Variants in QTMAN observed in about 807,000 individuals in gnomAD.
The protein encoded by QTMAN is queuosine-tRNA mannosyltransferase, also known as tRNA-queuosine alpha-mannosyltransferase.
the QTMAN span, among the ~76,000 whole-genome samples, chr2:144,211,841 G>A: frequency 2.0e-5 from 3 of 152,164 alleles, no homozygotes; most frequent in Admixed American, 1.3e-4. Flanking sequence ...TTCAGCAATA[G>A]TCAAAGAAAG....
At chr2:144,317,364 G>GGGAAGGAA in the QTMAN span, 16 of 88,228 alleles carry the variant, frequency 1.8e-4, 1 homozygote, top group Admixed American at 1.7e-4. Context: ...GATCTTCAAG[G>GGGAAGGAA]GGAAGGAAGG....
At chr2:144,013,862 A>C in the QTMAN span, among the ~76,000 whole-genome samples, 1 of 152,214 alleles carries the variant, frequency 6.6e-6, no homozygotes, top group Non-Finnish European at 1.5e-5. Context: ...TAGCCACATA[A>C]GCAAATATCA....
the QTMAN span, among the ~76,000 whole-genome samples, chr2:144,235,098 T>C: frequency 6.6e-6 from 1 of 152,176 alleles, no homozygotes; most frequent in Non-Finnish European, 1.5e-5. Flanking sequence ...ATGGTATTAC[T>C]GCATGGGACA....
the QTMAN span, among the ~76,000 whole-genome samples, chr2:144,182,820 A>T: frequency 7.3e-3 from 235 of 32,016 alleles, 6 homozygotes; most frequent in Middle Eastern, 0.021. Flanking sequence ...TATATATATT[A>T]TATATATAAT....
chr2:144,104,566 GC>G, the QTMAN span, among the ~76,000 whole-genome samples: 1 of 152,160 alleles, frequency 6.6e-6, no homozygotes, highest in Admixed American at 6.5e-5. Context: ...GGGGAGGGGC[GC>G]CCACAATTGC....
chr2:144,134,314 ATTAG>A, the QTMAN span, among the ~76,000 whole-genome samples: 3 of 152,150 alleles, frequency 2.0e-5, no homozygotes, highest in African/African-American at 7.2e-5. Flanking sequence ...CTGTTTCTAA[ATTAG>A]TTAGGCAAAG....
the QTMAN span, among the ~76,000 whole-genome samples, chr2:144,124,763 T>C: frequency 6.6e-6 from 1 of 152,142 alleles, no homozygotes; most frequent in Admixed American, 6.6e-5. Flanking sequence ...TCTCAGATGT[T>C]GATTTATTTT....
the QTMAN span, among the ~76,000 whole-genome samples, chr2:144,210,222 C>A: frequency 6.6e-6 from 1 of 152,012 alleles, no homozygotes; most frequent in Non-Finnish European, 1.5e-5. Context: ...GGACAAGTTA[C>A]CTAATTTTGT....
the QTMAN span, among the ~76,000 whole-genome samples, chr2:144,103,895 G>A: frequency 1.3e-5 from 2 of 152,090 alleles, no homozygotes; most frequent in African/African-American, 4.8e-5. Flanking sequence ...CTCAAGAGCA[G>A]CCTGGCCAAC....
At chr2:144,071,791 C>CA in the QTMAN span, among the ~76,000 whole-genome samples, 1 of 152,102 alleles carries the variant, frequency 6.6e-6, no homozygotes, top group Admixed American at 6.6e-5. Context: ...ATGAATCATA[C>CA]AAGATAATAT....
chr2:144,149,765 C>T, the QTMAN span, among the ~76,000 whole-genome samples: 1 of 151,930 alleles, frequency 6.6e-6, no homozygotes, highest in African/African-American at 2.4e-5. Context: ...TTTAAAGAAT[C>T]CGAAACAGTT....
chr2:143,977,805 C>T, the QTMAN span, among the ~76,000 whole-genome samples: 3 of 152,138 alleles, frequency 2.0e-5, no homozygotes, highest in Admixed American at 6.5e-5. Flanking sequence ...ATGCCATCTG[C>T]ACATTCATAT....
the QTMAN span, among the ~76,000 whole-genome samples, chr2:144,199,493 A>C: frequency 6.6e-6 from 1 of 152,190 alleles, no homozygotes; most frequent in African/African-American, 2.4e-5. Context: ...CATGACAGTC[A>C]AATGCCTTCT....
the QTMAN span, among the ~76,000 whole-genome samples, chr2:143,971,580 T>G: frequency 6.6e-5 from 10 of 151,944 alleles, no homozygotes; most frequent in South Asian, 2.1e-3. Context: ...ATGAAATGAG[T>G]TTTTTTTAAC....
the QTMAN span, among the ~76,000 whole-genome samples, chr2:144,150,666 C>A: frequency 1.5e-4 from 23 of 152,018 alleles, no homozygotes; most frequent in Admixed American, 1.5e-3. Flanking sequence ...CTTGTGATAA[C>A]CTAATTTCCA....
chr2:144,022,123 A>C, the QTMAN span, among the ~76,000 whole-genome samples: 1 of 152,086 alleles, frequency 6.6e-6, no homozygotes, highest in Non-Finnish European at 1.5e-5. Flanking sequence ...TACATGAATT[A>C]TCTTGGGGAT....
chr2:144,175,578 G>A, the QTMAN span, among the ~76,000 whole-genome samples: 7 of 151,988 alleles, frequency 4.6e-5, no homozygotes, highest in Non-Finnish European at 1.0e-4. Context: ...TGTTTAAAGG[G>A]CAGATAAGTC....
chr2:144,271,557 T>C, the QTMAN span, among the ~76,000 whole-genome samples: 2 of 152,200 alleles, frequency 1.3e-5, no homozygotes, highest in Admixed American at 1.3e-4. Context: ...ACATAAAGAC[T>C]GAGAAATCAC....
the QTMAN span, among the ~76,000 whole-genome samples, chr2:144,088,771 C>T: frequency 1.1e-4 from 16 of 151,844 alleles, no homozygotes; most frequent in Admixed American, 3.3e-4. Flanking sequence ...TAGCTACAGG[C>T]AGAAAAATAA....
Sources: allele counts gnomAD v4.1 joint callset (sites outside exome capture counted in the v4.1 genomes callset), GRCh38; gene constraint gnomAD v4.1.1; transcripts MANE v1.5; gene names NCBI Gene and HGNC (gene_info 2026-07-23, HGNC 2026-07-21).